Variants in ARID4A observed in about 807,000 individuals in gnomAD.
ARID4A encodes AT-rich interaction domain 4A.
In ARID4A, 39 loss-of-function variants were observed where a neutral mutation model predicts 148.6. The observed-to-expected ratio is 0.26, with a 90% CI of 0.20 to 0.34. The LOEUF (loss-of-function observed/expected upper bound fraction) is 0.34, where lower values mean the gene tolerates loss of function less well. ARID4A is among the 10% of genes least tolerant of loss of function. The probability of loss-of-function intolerance (pLI) is 1.00; values close to 1 mark genes in which losing one functional copy is unlikely to be tolerated. For synonymous variants in ARID4A, 475 were observed against 481.2 expected (o/e 0.99, Z 0.17); for missense variants, 1,265 against 1,449.1 (o/e 0.87, Z 2.06).
intron 7 of ARID4A, among the ~76,000 whole-genome samples, chr14:58,320,786 T>C (rs1185825627): frequency 1.3e-5 from 2 of 152,040 alleles, no homozygotes; most frequent in Non-Finnish European, 2.9e-5. Flanking sequence ...TTTTTGTATT[T>C]TTAGTAGAGA....
intron 15 of ARID4A, 138 bp from the exon 16 acceptor site, chr14:58,350,935 A>T (rs922548420): frequency 1.5e-6 from 1 of 683,672 alleles, no homozygotes; most frequent in Non-Finnish European, 2.3e-6. Flanking sequence ...AGGAAGAGAA[A>T]GGTACCTTTG....
intron 20 of ARID4A, 82 bp downstream of exon 20, chr14:58,365,382 A>T: frequency 2.0e-6 from 3 of 1,473,696 alleles, no homozygotes; most frequent in East Asian, 2.3e-5. Flanking sequence ...GTTGATCTGT[A>T]AAGTACTTTC....
At chr14:58,341,528 C>T (rs555210514) in intron 11 of ARID4A, among the ~76,000 whole-genome samples, 13 of 152,318 alleles carry the variant, frequency 8.5e-5, no homozygotes, top group African/African-American at 3.1e-4. Flanking sequence ...CTTACCACAT[C>T]GTGTTATATT....
chr14:58,320,607 T>TG (rs1389879361), intron 7 of ARID4A, among the ~76,000 whole-genome samples: 1 of 150,018 alleles, frequency 6.7e-6, no homozygotes, highest in East Asian at 1.9e-4. Flanking sequence ...GACTTTTTTT[T>TG]TTTTTTTTTT....
At chr14:58,341,059 GTC>G (rs898996152) in intron 11 of ARID4A, among the ~76,000 whole-genome samples, 3 of 151,786 alleles carry the variant, frequency 2.0e-5, no homozygotes, top group Non-Finnish European at 4.4e-5. Context: ...CCCTCCATCA[GTC>G]TCTCTGTCTT....
At position 58,315,232 on chromosome 14, in the gene ARID4A, C is replaced by CT. The variant is rs1384366798; in HGVS notation, c.275-3303dup. On this transcript the variant is annotated intron_variant, in intron 5 of 23. Coordinates refer to ENST00000355431, the MANE Select transcript of ARID4A (RefSeq NM_002892.4). ...ATCATAATCCCCTTTTGAGCAATCT[C>CT]TTTTTTTAAAAAAAAATTTCTATCC... Among the ~76,000 whole-genome samples the CT allele has an allele frequency of 1.6e-4, 25 of 151,908 alleles. No homozygotes were observed. The East Asian group carries it at 2.9e-3, about 18-fold the overall frequency.
rs869137059 is a variant in ARID4A, at chr14:58,345,719, C to CTTTTTTTTTTTTT, written c.980-675_980-663dup. On this transcript the variant is annotated intron_variant, in intron 12 of 23. Transcript: ENST00000355431. ...TCTGTTGTGTTTGTTTATGCCTAAA[C>CTTTTTTTTTTTTT]TTTTTTTTTTTTTTTTTTTTTTTTT... 2.6e-5 allele frequency among the ~76,000 whole-genome samples: 2 copies of CTTTTTTTTTTTTT among 75,874 alleles called. 1 individual carries two copies. The highest frequency in any genetic ancestry group is 4.6e-5 in the Non-Finnish European group (2 of 43,622). 49.8% of individuals were successfully genotyped at this position (75,874 alleles called of 152,430 possible). A position where few individuals can be genotyped will look rare whatever the true frequency, so the allele number is the denominator to read the frequency against.
intron 19 of ARID4A, among the ~76,000 whole-genome samples, chr14:58,362,778 G>T (rs1252155485): frequency 3.9e-5 from 6 of 151,952 alleles, no homozygotes; most frequent in Non-Finnish European, 1.5e-5. Flanking sequence ...CGCTGGTCTC[G>T]CACTCTTGAC....
intron 11 of ARID4A, among the ~76,000 whole-genome samples, chr14:58,330,379 A>G (rs1312840849): frequency 6.6e-6 from 1 of 152,122 alleles, no homozygotes; most frequent in African/African-American, 2.4e-5. Context: ...ACAAGAAAAT[A>G]CTTTTCAGGT....
chr14:58,312,611 C>G (rs1048373204), intron 5 of ARID4A, among the ~76,000 whole-genome samples: 5 of 152,110 alleles, frequency 3.3e-5, no homozygotes, highest in African/African-American at 1.2e-4. Flanking sequence ...GTGAAGAATT[C>G]TATAATTTTG....
At chr14:58,371,569 AG>A (rs1338464060) in intron 23 of ARID4A, among the ~76,000 whole-genome samples, 1 of 152,174 alleles carries the variant, frequency 6.6e-6, no homozygotes, top group Admixed American at 6.5e-5. Flanking sequence ...TGTTTATCTC[AG>A]GTTGACCTTG....
rs1435962831 is a variant in ARID4A at position 58,353,603 on chromosome 14, A to G, written c.1656-55A>G. The G allele has an allele frequency of 7.4e-6, 11 of 1,485,406 alleles. No homozygotes were observed. The East Asian group carries it at 2.5e-4, about 34-fold the overall frequency. The allele number at this position is 1,485,406 out of a possible 1,614,324, so 92.0% of individuals were successfully genotyped here. ...TCTACCTGTTGGATTCTTTTAGCATATTTTATTCTCCATTAAGTTATTAGT... is the reference window on the plus strand; with the variant it reads ...TCTACCTGTTGGATTCTTTTAGCATGTTTTATTCTCCATTAAGTTATTAGT... On this transcript the variant is annotated intron_variant, in intron 16 of 23. Transcript: ENST00000355431.
At position 58,366,149 on chromosome 14, in the gene ARID4A, A is replaced by G. The variant is rs1315037882; in HGVS notation, c.3442A>G (p.Ile1148Val). The G allele has an allele frequency of 7.4e-6, 12 of 1,613,860 alleles. 2 individuals are homozygous for G. The Admixed American group carries it at 2.0e-4, about 27-fold the overall frequency. ...ARSPARISPH[I>V]KDGEKDKHRE... ...ATCTCCTGCAAGAATATCCCCGCAC[A>G]TCAAAGATGGAGAGAAAGATAAACA... The change falls in exon 22 of 24, where the codon ATC becomes GTC. Residue 1148 changes from isoleucine to valine, a missense_variant. Ile to Val is a conservative substitution (Grantham distance 29). Coordinates refer to ENST00000355431, the MANE Select transcript of ARID4A (RefSeq NM_002892.4).
chr14:58,301,676 C>A lies in ARID4A; in HGVS notation c.103C>A (p.Leu35Met), dbSNP rs767894905. 3.0e-5 allele frequency: 48 copies of A among 1,612,670 alleles called. No homozygotes were observed. The highest frequency in any genetic ancestry group is 3.7e-5 in the Non-Finnish European group (44 of 1,179,128). Residue 35 changes from leucine (L) to methionine (M), a missense_variant, in exon 3 of 24, where the codon CTG (leucine) becomes ATG (methionine). Leu to Met is a conservative substitution (Grantham distance 15, BLOSUM62 2). Transcript: ENST00000355431. ...GGCAAAGATTAAGACTGTGAAAAGG[C>A]TGGTGAAAGTTAAGGTAATATTTGT... The part of the protein sequence containing the change: ...CEAKIKTVKR[L>M]VKVKVLLKQD...
At chr14:58,298,931 C>T (rs1476130312) in intron 1 of ARID4A, among the ~76,000 whole-genome samples, 4 of 152,160 alleles carry the variant, frequency 2.6e-5, no homozygotes, top group East Asian at 1.9e-4. Context: ...CTCGGGTTCC[C>T]GGGAAAATGG....
intron 22 of ARID4A, 138 bp from the exon 23 acceptor site, chr14:58,366,745 T>C: frequency 1.7e-6 from 1 of 598,796 alleles, no homozygotes; most frequent in Non-Finnish European, 2.7e-6. Context: ...TTGTTTTCAG[T>C]CTTATTCAGC....
In ARID4A at chr14:58,364,839, A is replaced by T. The variant is rs1230880115; in HGVS notation, c.2750A>T (p.Glu917Val). The change falls in exon 20 of 24, where the codon GAG (glutamate) becomes GTG (valine). Residue 917 changes from glutamate to valine, a missense_variant. Physicochemically the swap from Glu to Val is moderately radical, Grantham distance 121. This residue lies in a region of ARID4A where 666 missense variants were observed against 730.9 expected (regional missense o/e 0.91). Coordinates refer to ENST00000355431, the MANE Select transcript of ARID4A (RefSeq NM_002892.4). ...GAAGGAATGCCATCATTGATAGCAG[A>T]GTCAAACCAATGCATCCAACAACTG... is the stretch of plus-strand genomic sequence containing the variant. Reference protein sequence around the residue: ...ENEGMPSLIAESNQCIQQLTS... With the variant: ...ENEGMPSLIAVSNQCIQQLTS... 6.2e-7 allele frequency: 1 copy of T among 1,614,042 alleles called. No homozygotes were observed. The highest frequency in any genetic ancestry group is 1.3e-5 in the African/African-American group (1 of 74,948).
At chr14:58,340,557 C>T (rs904340314) in intron 11 of ARID4A, among the ~76,000 whole-genome samples, 106 of 152,174 alleles carry the variant, frequency 7.0e-4, no homozygotes, top group African/African-American at 2.5e-3. Context: ...ACCGTGTTGC[C>T]CAGGCTGGTC....
At chr14:58,344,156 A>T (rs2034245966) in intron 11 of ARID4A, among the ~76,000 whole-genome samples, 1 of 152,028 alleles carries the variant, frequency 6.6e-6, no homozygotes, top group South Asian at 2.1e-4. Flanking sequence ...AATGTATATG[A>T]CTCACTTAAA....
Sources: allele counts gnomAD v4.1 joint callset (sites outside exome capture counted in the v4.1 genomes callset), GRCh38; gene constraint gnomAD v4.1.1; regional missense constraint gnomAD v4.1.1; transcripts MANE v1.5; gene names NCBI Gene and HGNC (gene_info 2026-07-23, HGNC 2026-07-21).